PSIP1: variants seen among roughly 807,000 people sequenced by gnomAD.
The protein encoded by PSIP1 is PC4 and SFRS1-interacting protein.
PSIP1 carries 19 observed loss-of-function variants against 74.7 expected under a neutral mutation model. The observed-to-expected ratio is 0.25, with a 90% CI of 0.18 to 0.37. The LOEUF is 0.37. PSIP1 is among the 10% of genes least tolerant of loss of function. The pLI, the probability that PSIP1 is intolerant of heterozygous loss-of-function variation, is 1.00. For missense variants in PSIP1, 601 were observed against 614.3 expected, an observed-to-expected ratio of 0.98 and a Z score of 0.23; for synonymous variants, 222 against 195.3, an observed-to-expected ratio of 1.14 and a Z score of -1.14.
intron 3 of PSIP1, among the ~76,000 whole-genome samples, chr9:15,502,460 AAG>A: frequency 6.6e-6 from 1 of 152,228 alleles, no homozygotes; most frequent in African/African-American, 2.4e-5. Flanking sequence ...TTTACCCCCC[AAG>A]ACAGGGTCTT....
chr9:15,473,518 G>A (rs1263666752), intron 9 of PSIP1, among the ~76,000 whole-genome samples: 1 of 152,118 alleles, frequency 6.6e-6, no homozygotes, highest in Non-Finnish European at 1.5e-5. Flanking sequence ...GCTAATTCAA[G>A]TCTATTCAAA....
intron 9 of PSIP1, 82 bp downstream of exon 9, chr9:15,473,927 C>CAAACA: frequency 1.9e-6 from 1 of 514,486 alleles, no homozygotes; most frequent in Admixed American, 5.3e-5. Flanking sequence ...AAAAAAAAAA[C>CAAACA]AAAAAAAAAA....
intron 14 of PSIP1, among the ~76,000 whole-genome samples, chr9:15,467,847 G>C (rs1340900484): frequency 6.6e-6 from 1 of 152,126 alleles, no homozygotes; most frequent in Non-Finnish European, 1.5e-5. Flanking sequence ...ATCACCAGGC[G>C]CGGTGGCTCA....
intron 6 of PSIP1, among the ~76,000 whole-genome samples, chr9:15,480,181 G>A (rs1236627953): frequency 6.6e-6 from 1 of 152,142 alleles, no homozygotes; most frequent in African/African-American, 2.4e-5. Flanking sequence ...TGATTCTCCT[G>A]GAGAGAATGG....
At chr9:15,475,133 G>A (rs986764395) in intron 8 of PSIP1, among the ~76,000 whole-genome samples, 1 of 152,084 alleles carries the variant, frequency 6.6e-6, no homozygotes, top group African/African-American at 2.4e-5. Flanking sequence ...CTATTAAGTT[G>A]GAAGAGAAGA....
At chr9:15,465,756 CTGT>C (rs1419628890) in intron 15 of PSIP1, 176 bp from the exon 16 acceptor site, 1 of 538,386 alleles carries the variant, frequency 1.9e-6, no homozygotes, top group Non-Finnish European at 3.2e-6. Context: ...TTCTTCAAAA[CTGT>C]TATTTTACCA....
chr9:15,473,561 TA>T (rs2035934914), intron 9 of PSIP1, among the ~76,000 whole-genome samples: 1 of 152,236 alleles, frequency 6.6e-6, no homozygotes, highest in African/African-American at 2.4e-5. Context: ...CTGCCACTGA[TA>T]TTTATAGACT....
intron 3 of PSIP1, among the ~76,000 whole-genome samples, chr9:15,501,129 T>C (rs79776483): frequency 2.0e-5 from 3 of 151,864 alleles, no homozygotes; most frequent in South Asian, 2.1e-4. Context: ...AACACAAATA[T>C]AAGTAACCTG....
At chr9:15,470,764 G>T (rs970109680) in intron 10 of PSIP1, 2 of 974,672 alleles carry the variant, frequency 2.1e-6, no homozygotes, top group African/African-American at 3.5e-5. Context: ...AACAACAAAG[G>T]AATGTCAAGA....
chr9:15,486,980 A>C, intron 4 of PSIP1, 49 bp from the exon 5 acceptor site: 2 of 1,206,578 alleles, frequency 1.7e-6, no homozygotes, highest in Admixed American at 2.2e-5. Context: ...TTTTATCCCA[A>C]TAATATATAC....
rs758334368 is a variant in PSIP1, at chr9:15,474,240, A to G, written c.630-3T>C. 21 of 1,596,418 alleles carry G rather than the reference A, an allele frequency of 1.3e-5. No individual in the cohort carries two copies. The highest frequency in any genetic ancestry group is 2.2e-5 in the East Asian group (1 of 44,716). ...TACTTTTGTCCTCTTCAGTAATGCT[A>G]TTTTAGAGAACATAACAATGTATAC... is the stretch of plus-strand genomic sequence containing the variant. On this transcript the variant is annotated splice_polypyrimidine_tract_variant and splice_region_variant and intron_variant, in intron 8 of 15. Transcript: ENST00000380733.
rs386414512 is a variant in PSIP1, at chr9:15,473,915, CAA to C, written c.858+92_858+93del. On this transcript the variant is annotated intron_variant, in intron 9 of 15. Coordinates refer to ENST00000380733, the MANE Select transcript of PSIP1 (RefSeq NM_033222.5). ...GACTCCATCTCAAACAAAAAAAAAA[CAA>C]AAAAAAAAACAAAAAAAAAACAAAG... 3.8e-3 allele frequency: 2,274 copies of C among 600,546 alleles called. 38 individuals carry two copies. In the African/African-American group the frequency reaches 0.057, roughly 15 times the overall value. 37.2% of individuals were successfully genotyped at this position (600,546 alleles called of 1,614,324 possible).
chr9:15,476,285 A>G (rs1417104487), intron 8 of PSIP1, among the ~76,000 whole-genome samples: 1 of 152,214 alleles, frequency 6.6e-6, no homozygotes, highest in East Asian at 1.9e-4. Flanking sequence ...CCAAAAACCT[A>G]AAACATGTAG....
At position 15,472,784 on chromosome 9, in the gene PSIP1, A is replaced by G. The variant is rs759977574; in HGVS notation, c.859-34T>C. ...AGAATTAGGATGGTTTTATTTAACT[A>G]TAAAGTCAGTGACTAGTGCTTATGG... On this transcript the variant is annotated intron_variant, in intron 9 of 15. Transcript: ENST00000380733. The G allele has an allele frequency of 9.0e-6, 14 of 1,562,858 alleles. 1 individual carries two copies. In the South Asian group the frequency reaches 1.3e-4, roughly 15 times the overall value.
At chr9:15,509,420 A>AT in intron 2 of PSIP1, among the ~76,000 whole-genome samples, 1 of 152,220 alleles carries the variant, frequency 6.6e-6, no homozygotes, top group Non-Finnish European at 1.5e-5. Context: ...TGGGTCCTTA[A>AT]TCATTTCTCT....
At position 15,465,534 on chromosome 9, in the gene PSIP1, T is replaced by C. The variant is rs774525649; in HGVS notation, c.1579A>G (p.Thr527Ala). ...RETEISLKDS[T>A]LDN The stretch of plus-strand genomic sequence containing the variant: ...GGTATGTCAACCTAGTTATCTAGTG[T>C]AGAATCCTTCAGAGATATTTCAGTC... Residue 527 changes from threonine (T) to alanine (A), a missense_variant, in exon 16 of 16, where the codon ACA (threonine) becomes GCA (alanine). Thr to Ala is a moderately conservative substitution (Grantham distance 58). Around this residue, in one of 2 missense-constraint regions of PSIP1, gnomAD observed 538 missense variants for 507.6 expected, o/e 1.06. Coordinates refer to ENST00000380733, the MANE Select transcript of PSIP1 (RefSeq NM_033222.5). 55 of 1,577,030 alleles carry C rather than the reference T, an allele frequency of 3.5e-5. No homozygotes were observed. Among genetic ancestry groups the C allele is most frequent in the Middle Eastern group, 1.7e-4 (1 of 5,982 alleles).
rs2035489531 is a variant in PSIP1, at chr9:15,464,664, C to T, written c.*856G>A. The T allele has an allele frequency of 5.1e-6, 1 of 197,968 alleles. No individual in the cohort carries two copies. Among genetic ancestry groups the T allele is most frequent in the Non-Finnish European group, 1.0e-5 (1 of 95,888 alleles). 12.3% of individuals were successfully genotyped at this position (197,968 alleles called of 1,614,324 possible). On this transcript the variant is annotated 3_prime_UTR_variant, in exon 16 of 16. Transcript: ENST00000380733. ...TCTTCCAATTAAGTTTTAGTGACTT[C>T]CTAAAGACATTTTTAACAACATTCC... is the stretch of plus-strand genomic sequence containing the variant.
At chr9:15,487,343 C>A (rs1296754435) in intron 4 of PSIP1, among the ~76,000 whole-genome samples, 4 of 151,962 alleles carry the variant, frequency 2.6e-5, no homozygotes, top group Non-Finnish European at 5.9e-5. Context: ...ACCTGTAATC[C>A]CAGCACTTTG....
Position 15,466,728 on chromosome 9 carries a change from C to A in PSIP1, c.1532+20G>T. 1 of 1,565,244 alleles carries A rather than the reference C, an allele frequency of 6.4e-7. No homozygotes were observed. Among genetic ancestry groups the A allele is most frequent in the Non-Finnish European group, 8.8e-7 (1 of 1,142,756 alleles). Reference sequence around the variant, plus strand: ...TGAATAATAAAAAACACACAAGACCCATTAAAACCTATTCCTCACTTTTTC... The same window carrying A: ...TGAATAATAAAAAACACACAAGACCAATTAAAACCTATTCCTCACTTTTTC... On this transcript the variant is annotated intron_variant, in intron 15 of 15. Transcript: ENST00000380733.
Sources: allele counts gnomAD v4.1 joint callset (sites outside exome capture counted in the v4.1 genomes callset), GRCh38; gene constraint gnomAD v4.1.1; regional missense constraint gnomAD v4.1.1; transcripts MANE v1.5; gene names NCBI Gene and HGNC (gene_info 2026-07-23, HGNC 2026-07-21).